The following RNF217 variants were observed in gnomAD, a reference collection of about 807,000 sequenced individuals.
RNF217 encodes the protein ring finger protein 217.
In RNF217, 31 loss-of-function variants were observed where a neutral mutation model predicts 57.8. That is an observed-to-expected ratio of 0.54 (90% CI 0.40 to 0.72). The LOEUF (loss-of-function observed/expected upper bound fraction) is 0.72, where lower values mean the gene tolerates loss of function less well. Among genes scored for constraint, RNF217 ranks in the 30% least tolerant of loss-of-function variants. RNF217 has a pLI of 0.00. For missense variants in RNF217, 696 were observed against 708.3 expected (o/e 0.98, Z 0.20); for synonymous variants, 313 against 294.0 (o/e 1.06, Z -0.66).
intron 1 of RNF217, chr6:124,983,520 A>T: frequency 1.0e-6 from 1 of 980,508 alleles, no homozygotes; most frequent in Non-Finnish European, 1.2e-6. Flanking sequence ...ATATAATTAA[A>T]GGTAGATACT....
In RNF217 at chr6:125,088,429, T is replaced by G. The variant is rs1297462286; in HGVS notation, c.*5492T>G. 6.6e-6 allele frequency: 1 copy of G among 152,178 alleles called. No individual in the cohort carries two copies. The highest frequency in any genetic ancestry group is 1.5e-5 in the Non-Finnish European group (1 of 68,026). The allele number at this position is 152,178 out of a possible 1,614,324, so 9.4% of individuals were successfully genotyped here. ...TGTGTGGGACTTCTATTGTTACTAA[T>G]TGTAAGGCTGTAACTTTGGTTGACT... On this transcript the variant is annotated 3_prime_UTR_variant, in exon 6 of 6. Transcript: ENST00000521654.
intron 1 of RNF217, among the ~76,000 whole-genome samples, chr6:125,003,260 T>A (rs1785054989): frequency 2.0e-5 from 3 of 152,176 alleles, no homozygotes. Flanking sequence ...GGCTGTATGG[T>A]TGTACAATCA....
chr6:125,034,665 G>A (rs1435656511), intron 1 of RNF217, among the ~76,000 whole-genome samples: 16 of 152,192 alleles, frequency 1.1e-4, no homozygotes, highest in Middle Eastern at 3.4e-3. Flanking sequence ...CTTAGGATTG[G>A]CTTGGCGATG....
intron 1 of RNF217, among the ~76,000 whole-genome samples, chr6:125,024,626 G>A (rs760038526): frequency 3.3e-5 from 5 of 151,234 alleles, no homozygotes; most frequent in South Asian, 2.1e-4. Context: ...GCTGAGGCAC[G>A]AGAGAATCTC....
intron 1 of RNF217, among the ~76,000 whole-genome samples, chr6:125,013,334 G>A (rs1356557311): frequency 7.0e-6 from 1 of 142,420 alleles, no homozygotes; most frequent in Middle Eastern, 3.6e-3. Context: ...AAAGGTAGGT[G>A]CTTGCATGTT....
chr6:125,036,101 G>A (rs1175598378), intron 1 of RNF217, among the ~76,000 whole-genome samples: 4 of 151,656 alleles, frequency 2.6e-5, no homozygotes, highest in Admixed American at 6.6e-5. Flanking sequence ...GACAGGCCTC[G>A]GTGTGTGATG....
chr6:124,979,266 T>C (rs1439528274), intron 1 of RNF217, among the ~76,000 whole-genome samples: 2 of 152,198 alleles, frequency 1.3e-5, no homozygotes, highest in Admixed American at 1.3e-4. Flanking sequence ...AAGCTGTCTT[T>C]GTAGGAGTAG....
At chr6:125,033,412 T>A (rs1047474385) in intron 1 of RNF217, among the ~76,000 whole-genome samples, 43 of 142,454 alleles carry the variant, frequency 3.0e-4, no homozygotes, top group Non-Finnish European at 6.3e-4. Context: ...TTCTCATTGT[T>A]CAGTTCCCAT....
At chr6:125,049,852 G>A (rs1024568522) in intron 2 of RNF217, among the ~76,000 whole-genome samples, 13 of 151,816 alleles carry the variant, frequency 8.6e-5, no homozygotes, top group Admixed American at 4.0e-4. Flanking sequence ...TCTGGAAGAG[G>A]AGGAGCAGGT....
At chr6:124,999,259 A>T (rs940358438) in intron 1 of RNF217, among the ~76,000 whole-genome samples, 5 of 152,152 alleles carry the variant, frequency 3.3e-5, no homozygotes, top group Non-Finnish European at 7.3e-5. Flanking sequence ...TGCCCGTGTC[A>T]TGAGTTTCTA....
At position 125,081,476 on chromosome 6, in the gene RNF217, A is replaced by C; in HGVS notation, c.1524A>C (p.Gly508=). The change falls in exon 5 of 6, where the codon GGA becomes GGC. Residue 508 remains glycine, a synonymous_variant. Coordinates refer to ENST00000521654, the MANE Select transcript of RNF217 (RefSeq NM_001286398.3). ...TTGCACCTCTAATTATGGTTTTGGG[A>C]TTGGCACTAGGGGCCATAGCGGTTG... ...LFIAPLIMVL[G]LALGAIAVVI... is the part of the protein sequence containing the mutation. The C allele has an allele frequency of 6.2e-7, 1 of 1,611,622 alleles. No homozygotes were observed. The highest frequency in any genetic ancestry group is 8.5e-7 in the Non-Finnish European group (1 of 1,178,412).
intron 4 of RNF217, among the ~76,000 whole-genome samples, chr6:125,078,326 C>G (rs1227269470): frequency 6.6e-6 from 1 of 152,154 alleles, no homozygotes; most frequent in Non-Finnish European, 1.5e-5. Context: ...AACACAAAAT[C>G]ACTGTATTTT....
intron 1 of RNF217, among the ~76,000 whole-genome samples, chr6:125,003,787 A>G (rs1271985713): frequency 6.6e-6 from 1 of 152,092 alleles, no homozygotes; most frequent in East Asian, 1.9e-4. Context: ...GTCTTTATCT[A>G]TTATCAGAGC....
chr6:124,962,564 C>A lies in RNF217; in HGVS notation c.20C>A (p.Thr7Lys). ...GCGGCGATGGGCGAGGAGCAGAGCA[C>A]GGTGAGCGGCGGCGGCGGGCCCCAG... Reference protein sequence around the residue: MGEEQSTVSGGGGPQES... With the variant: MGEEQSKVSGGGGPQES... The change falls in exon 1 of 6, where the codon ACG (threonine) becomes AAG (lysine). Residue 7 changes from threonine (T) to lysine (K), a missense_variant. Transcript: ENST00000521654. This position sits in a 1 kb window ranked among gnomAD's most constrained non-coding sequence, Gnocchi z 4.6. The A allele has an allele frequency of 8.0e-7, 1 of 1,254,438 alleles. No individual in the cohort carries two copies. The highest frequency in any genetic ancestry group is 3.0e-5 in the South Asian group (1 of 33,552). The allele number at this position is 1,254,438 out of a possible 1,614,324, so 77.7% of individuals were successfully genotyped here.
intron 2 of RNF217, among the ~76,000 whole-genome samples, chr6:125,055,420 T>C (rs1787485585): frequency 6.6e-6 from 1 of 152,180 alleles, no homozygotes; most frequent in African/African-American, 2.4e-5. Context: ...ATTATTCTGA[T>C]GCCTTAGGAG....
chr6:124,987,299 A>T (rs1317936635), intron 1 of RNF217, among the ~76,000 whole-genome samples: 1 of 152,180 alleles, frequency 6.6e-6, no homozygotes, highest in Admixed American at 6.5e-5. Context: ...AGGATATGAG[A>T]CCAGTATCAC....
intron 3 of RNF217, among the ~76,000 whole-genome samples, chr6:125,063,578 C>T (rs192964574): frequency 1.3e-5 from 2 of 152,174 alleles, no homozygotes; most frequent in African/African-American, 4.8e-5. Flanking sequence ...TTGTCTCATC[C>T]AAACTTCAGA....
intron 1 of RNF217, among the ~76,000 whole-genome samples, chr6:125,022,800 A>T (rs1191618703): frequency 6.6e-6 from 1 of 152,046 alleles, no homozygotes; most frequent in African/African-American, 2.4e-5. Context: ...CCTTTAATTT[A>T]TGTCCCTTGG....
intron 1 of RNF217, among the ~76,000 whole-genome samples, chr6:125,009,916 A>G (rs1361641537): frequency 1.3e-5 from 2 of 151,846 alleles, no homozygotes; most frequent in African/African-American, 4.8e-5. Flanking sequence ...TTCAGAAAAT[A>G]GTTTTTTGGT....
Sources: allele counts gnomAD v4.1 joint callset (sites outside exome capture counted in the v4.1 genomes callset), GRCh38; gene constraint gnomAD v4.1.1; non-coding constraint Gnocchi (gnomAD v3.1); transcripts MANE v1.5; gene names NCBI Gene and HGNC (gene_info 2026-07-23, HGNC 2026-07-21).